The following SIK3 variants were observed in gnomAD, a reference collection of about 807,000 sequenced individuals.
The protein encoded by SIK3 is serine/threonine-protein kinase SIK3.
A neutral mutation model predicts 144.2 loss-of-function variants in SIK3; 28 were observed. The ratio of observed to expected loss-of-function variants is 0.19; its 90% CI spans 0.14 to 0.27. The LOEUF (loss-of-function observed/expected upper bound fraction) is 0.27, where lower values mean the gene tolerates loss of function less well. Ranked by LOEUF, SIK3 falls within the 10% of genes least tolerant of loss-of-function variation. The probability of loss-of-function intolerance (pLI) is 1.00; values close to 1 mark genes in which losing one functional copy is unlikely to be tolerated. For missense variants in SIK3, 1,319 were observed against 1,776.0 expected (o/e 0.74, Z 4.62); for synonymous variants, 686 against 676.3 (o/e 1.01, Z -0.22).
intron 1 of SIK3, among the ~76,000 whole-genome samples, chr11:116,961,949 G>A (rs1232795558): frequency 2.6e-5 from 4 of 152,088 alleles, no homozygotes; most frequent in Admixed American, 6.6e-5. Flanking sequence ...CATTCTATGA[G>A]AGGAAAAATT....
chr11:116,917,977 G>A (rs762770439), intron 4 of SIK3, among the ~76,000 whole-genome samples: 3 of 152,072 alleles, frequency 2.0e-5, no homozygotes, highest in Non-Finnish European at 2.9e-5. Context: ...ATAAAATGCC[G>A]ATAAAATTAT....
At chr11:117,066,131 G>A (rs368787102) in intron 1 of SIK3, among the ~76,000 whole-genome samples, 6 of 147,760 alleles carry the variant, frequency 4.1e-5, no homozygotes, top group Non-Finnish European at 8.9e-5. Flanking sequence ...GTGCAGTGGT[G>A]TGACCTCAGC....
intron 4 of SIK3, among the ~76,000 whole-genome samples, chr11:116,901,049 G>C (rs182570620): frequency 6.6e-6 from 1 of 152,116 alleles, no homozygotes; most frequent in Admixed American, 6.5e-5. Context: ...ATTTTTAGTA[G>C]AGACGGGGTT....
At chr11:117,021,958 A>AAAAAAAAAAC (rs1565565802) in intron 1 of SIK3, among the ~76,000 whole-genome samples, 1 of 147,166 alleles carries the variant, frequency 6.8e-6, no homozygotes, top group Non-Finnish European at 1.5e-5. Flanking sequence ...AAAAAAAAAA[A>AAAAAAAAAAC]AAACCTAAAA....
rs529166587 is a variant in SIK3 at position 117,060,998 on chromosome 11, G to A, written c.273+37145C>T. ...GCTGTGGCTCACACCTGTAATATCA[G>A]AACTTTTGGAGGCTGAGGTGAAGGG... On this transcript the variant is annotated intron_variant, in intron 1 of 24. Coordinates refer to ENST00000445177, the MANE Select transcript of SIK3 (RefSeq NM_001366686.3). Among the ~76,000 whole-genome samples the A allele has an allele frequency of 2.6e-5, 4 of 152,316 alleles. No homozygotes were observed. The South Asian group carries it at 8.3e-4, about 32-fold the overall frequency.
chr11:116,872,420 C>T (rs1478343338), intron 13 of SIK3, among the ~76,000 whole-genome samples: 3 of 152,180 alleles, frequency 2.0e-5, no homozygotes, highest in Non-Finnish European at 4.4e-5. Context: ...TACTTAATCA[C>T]ATATGATCTT....
intron 1 of SIK3, among the ~76,000 whole-genome samples, chr11:117,067,585 T>C (rs892973186): frequency 1.3e-5 from 2 of 152,220 alleles, no homozygotes; most frequent in Non-Finnish European, 2.9e-5. Flanking sequence ...TGTATCTTGA[T>C]TGTATGGTTA....
At chr11:116,856,247 A>G (rs1436853706) in intron 21 of SIK3, among the ~76,000 whole-genome samples, 1 of 151,478 alleles carries the variant, frequency 6.6e-6, no homozygotes, top group Non-Finnish European at 1.5e-5. Flanking sequence ...CATGCCAACT[A>G]TAGTGTGCTA....
At chr11:117,066,499 A>C (rs1954024968) in intron 1 of SIK3, among the ~76,000 whole-genome samples, 1 of 152,060 alleles carries the variant, frequency 6.6e-6, no homozygotes, top group Non-Finnish European at 1.5e-5. Context: ...AGGATATATA[A>C]AGAATTCTCA....
At chr11:116,916,452 A>G (rs1946634904) in intron 4 of SIK3, among the ~76,000 whole-genome samples, 1 of 152,132 alleles carries the variant, frequency 6.6e-6, no homozygotes, top group African/African-American at 2.4e-5. Flanking sequence ...CTTGCCTAAA[A>G]AGTCAGCCTC....
At chr11:116,955,787 A>G (rs1428933874) in intron 2 of SIK3, among the ~76,000 whole-genome samples, 2 of 152,204 alleles carry the variant, frequency 1.3e-5, no homozygotes, top group Non-Finnish European at 2.9e-5. Flanking sequence ...GTTGTTCAAC[A>G]TAATTTAGGC....
intron 21 of SIK3, among the ~76,000 whole-genome samples, chr11:116,854,538 T>C (rs1942719949): frequency 6.6e-6 from 1 of 152,214 alleles, no homozygotes; most frequent in African/African-American, 2.4e-5. Context: ...AGAAGCTCCC[T>C]GAGGACAGGT....
At chr11:117,023,070 CTAAGA>C (rs1202447269) in intron 1 of SIK3, among the ~76,000 whole-genome samples, 2 of 152,154 alleles carry the variant, frequency 1.3e-5, no homozygotes, top group Admixed American at 6.5e-5. Flanking sequence ...CAAATGACAA[CTAAGA>C]TAACTAGTGT....
chr11:117,033,455 A>G (rs1952352838), intron 1 of SIK3, among the ~76,000 whole-genome samples: 1 of 152,210 alleles, frequency 6.6e-6, no homozygotes, highest in South Asian at 2.1e-4. Context: ...TAATTCCAGC[A>G]CTTTGGGAGG....
chr11:117,021,965 AAAAATAAC>A (rs1287950443), intron 1 of SIK3, among the ~76,000 whole-genome samples: 1 of 146,614 alleles, frequency 6.8e-6, no homozygotes, highest in Non-Finnish European at 1.5e-5. Flanking sequence ...AAAAAAACCT[AAAAATAAC>A]AAAATAACAA....
chr11:117,095,569 A>G (rs912978499), intron 1 of SIK3, among the ~76,000 whole-genome samples: 1 of 152,242 alleles, frequency 6.6e-6, no homozygotes, highest in Admixed American at 6.5e-5. Flanking sequence ...CCATTGTTAT[A>G]TAACCAAACC....
At position 116,863,690 on chromosome 11, in the gene SIK3, CTGT is replaced by C. The variant is rs776063088; in HGVS notation, c.2078_2080del (p.Asn693del). Reference sequence around the variant, plus strand: ...TACCTGCTGCAGCTGTTTGATGCTGCTGTTGTTGCCCATTTTTTCCAGGTGAGC... The same window carrying C: ...TACCTGCTGCAGCTGTTTGATGCTGCTGTTGCCCATTTTTTCCAGGTGAGC... On this transcript the variant is annotated inframe_deletion, in exon 16 of 25. Coordinates refer to ENST00000445177, the MANE Select transcript of SIK3 (RefSeq NM_001366686.3). 5 of 1,614,180 alleles carry C rather than the reference CTGT, an allele frequency of 3.1e-6. No individual in the cohort carries two copies. The highest frequency in any genetic ancestry group is 4.2e-6 in the Non-Finnish European group (5 of 1,180,022).
At chr11:116,976,045 A>C (rs1447469830) in intron 1 of SIK3, among the ~76,000 whole-genome samples, 1 of 152,166 alleles carries the variant, frequency 6.6e-6, no homozygotes, top group Non-Finnish European at 1.5e-5. Context: ...TCTTTCCTCT[A>C]TTTTTAAATT....
intron 9 of SIK3, 156 bp from the exon 10 acceptor site, chr11:116,875,607 G>T (rs932563493): frequency 3.5e-6 from 3 of 848,534 alleles, no homozygotes; most frequent in Non-Finnish European, 5.4e-6. Flanking sequence ...GAAGCATCCT[G>T]TGAAGAGGAT....
Sources: allele counts gnomAD v4.1 joint callset (sites outside exome capture counted in the v4.1 genomes callset), GRCh38; gene constraint gnomAD v4.1.1; transcripts MANE v1.5; gene names NCBI Gene and HGNC (gene_info 2026-07-23, HGNC 2026-07-21).